Variants in PDXDC1 observed in about 807,000 individuals in gnomAD.
The protein encoded by PDXDC1 is pyridoxal-dependent decarboxylase domain-containing protein 1.
PDXDC1 carries 42 observed loss-of-function variants against 100.1 expected under a neutral mutation model. That is an observed-to-expected ratio of 0.42 (90% CI 0.33 to 0.54). PDXDC1 has a LOEUF of 0.54. PDXDC1 is among the 20% of genes least tolerant of loss of function. The pLI is 0.10. For missense variants in PDXDC1, 636 were observed against 979.2 expected, an observed-to-expected ratio of 0.65 and a Z score of 4.68; for synonymous variants, 260 against 371.7, an observed-to-expected ratio of 0.70 and a Z score of 3.46.
intron 16 of PDXDC1, chr16:15,080,033 G>A: frequency 1.2e-6 from 2 of 1,600,570 alleles, no homozygotes; most frequent in African/African-American, 2.7e-5. Flanking sequence ...ATAAGCTCCA[G>A]AATTTCATGC....
intron 16 of PDXDC1, chr16:15,055,871 C>T: frequency 1.7e-6 from 2 of 1,209,766 alleles, no homozygotes; most frequent in Middle Eastern, 2.8e-4. Context: ...CCCCGAAGCC[C>T]CGCGCCGCGC....
At chr16:14,999,310 G>T (rs1168522438) in intron 3 of PDXDC1, among the ~76,000 whole-genome samples, 1 of 152,242 alleles carries the variant, frequency 6.6e-6, no homozygotes, top group Non-Finnish European at 1.5e-5. Flanking sequence ...CAGGTGATCC[G>T]CCTGCCTTAG....
downstream of PDXDC1, chr16:15,040,519 G>A (rs989005201): frequency 6.9e-5 from 12 of 173,782 alleles, no homozygotes; most frequent in South Asian, 1.3e-3. Context: ...AAGTATCACC[G>A]CTACAGCAGA....
At chr16:15,059,849 G>A (rs763418870) in intron 16 of PDXDC1, among the ~76,000 whole-genome samples, 1 of 151,998 alleles carries the variant, frequency 6.6e-6, no homozygotes. Context: ...GAGAGTCGCG[G>A]ATACTTCATA....
chr16:15,087,582 T>A (rs971260844), intron 16 of PDXDC1, among the ~76,000 whole-genome samples: 1 of 152,132 alleles, frequency 6.6e-6, no homozygotes, highest in Non-Finnish European at 1.5e-5. Flanking sequence ...TCAACCATTT[T>A]CTGATGAAAT....
At chr16:14,980,337 C>T (rs544496124) in intron 1 of PDXDC1, among the ~76,000 whole-genome samples, 1 of 152,394 alleles carries the variant, frequency 6.6e-6, no homozygotes, top group East Asian at 1.9e-4. Context: ...GCTCTGTCAC[C>T]CAGGCTGGAG....
chr16:15,001,157 C>A (rs1254384739), intron 3 of PDXDC1, among the ~76,000 whole-genome samples: 1 of 152,126 alleles, frequency 6.6e-6, no homozygotes, highest in Non-Finnish European at 1.5e-5. Context: ...TGGTTTGAGA[C>A]CAGGCTGGGC....
intron 8 of PDXDC1, among the ~76,000 whole-genome samples, chr16:15,013,561 G>C (rs571106233): frequency 1.3e-5 from 2 of 152,352 alleles, no homozygotes; most frequent in East Asian, 3.9e-4. Context: ...ACTTACATGA[G>C]TGAGTTTTGT....
chr16:15,126,039 ATT>A, intron 16 of PDXDC1: 5 of 467,108 alleles, frequency 1.1e-5, no homozygotes, highest in Non-Finnish European at 1.9e-5. Context: ...TTTCAATTTC[ATT>A]TTTTTTTTTC....
intron 1 of PDXDC1, among the ~76,000 whole-genome samples, chr16:14,987,992 C>CTTTTTTTTTTTTTTTTTTTTCTTTT (rs58211541): frequency 7.4e-6 from 1 of 134,580 alleles, no homozygotes; most frequent in African/African-American, 2.8e-5. Context: ...TTATACAATT[C>CTTTTTTTTTTTTTTTTTTTTCTTTT]TTTTTTTTTT....
rs186147260 is a variant in PDXDC1 at position 15,100,921 on chromosome 16, G to A, written c.1400-37958G>A. Among the ~76,000 whole-genome samples, 1,026 of 152,272 alleles carry A rather than the reference G, an allele frequency of 6.7e-3. 11 individuals carry two copies. The highest frequency in any genetic ancestry group is 6.8e-3 in the Middle Eastern group (2 of 294). ...GGATCAATTGAGCCCAGGAGGTCGAGACTGCAGTGAGCTATGATCTCCCCA... is the reference window on the plus strand; with the variant it reads ...GGATCAATTGAGCCCAGGAGGTCGAAACTGCAGTGAGCTATGATCTCCCCA... On this transcript the variant is annotated intron_variant, in intron 16 of 16. Transcript: ENST00000535621.
At chr16:15,052,693 G>C (rs191537206) in intron 16 of PDXDC1, among the ~76,000 whole-genome samples, 6 of 152,234 alleles carry the variant, frequency 3.9e-5, no homozygotes, top group Admixed American at 2.6e-4. Flanking sequence ...AATTAGCCGG[G>C]CATGGTGGCA....
intron 16 of PDXDC1, among the ~76,000 whole-genome samples, chr16:15,059,673 T>G (rs2044643372): frequency 2.0e-5 from 3 of 152,126 alleles, no homozygotes; most frequent in Admixed American, 2.0e-4. Context: ...ACTGACAGCT[T>G]TTTAGTGAAA....
chr16:14,987,021 T>C (rs1969532246), intron 1 of PDXDC1, among the ~76,000 whole-genome samples: 1 of 152,290 alleles, frequency 6.6e-6, no homozygotes, highest in Non-Finnish European at 1.5e-5. Context: ...GTGCTGGTTT[T>C]ACAGGTGTGA....
intron 16 of PDXDC1, chr16:15,059,905 A>G (rs2044650264): frequency 5.8e-6 from 1 of 170,984 alleles, no homozygotes. Context: ...AATGAATTCC[A>G]TCAAGCTCCC....
At chr16:14,982,064 A>G (rs1454524333) in intron 1 of PDXDC1, among the ~76,000 whole-genome samples, 1 of 152,284 alleles carries the variant, frequency 6.6e-6, no homozygotes, top group East Asian at 1.9e-4. Context: ...TCTGTACCTC[A>G]GGTGGGCCAC....
intron 1 of PDXDC1, among the ~76,000 whole-genome samples, chr16:14,984,495 ATTTT>A (rs1159521017): frequency 1.8e-4 from 13 of 73,466 alleles, no homozygotes; most frequent in African/African-American, 5.0e-4. Context: ...ATATATATAT[ATTTT>A]TTTTTTTTTT....
chr16:15,128,906 C>T (rs1476703327), intron 16 of PDXDC1, among the ~76,000 whole-genome samples: 6 of 149,620 alleles, frequency 4.0e-5, no homozygotes, highest in South Asian at 2.2e-4. Flanking sequence ...CCCGGGTTCA[C>T]GCCATTCTCC....
chr16:14,995,069 A>G (rs545982791), intron 1 of PDXDC1, among the ~76,000 whole-genome samples: 7 of 152,414 alleles, frequency 4.6e-5, no homozygotes, highest in Admixed American at 3.3e-4. Flanking sequence ...CTAGATATAC[A>G]ATCATGTCAT....
Sources: gnomAD v4.1 joint callset for allele counts (sites outside exome capture counted in the v4.1 genomes callset) on GRCh38, gnomAD v4.1.1 for gene constraint, MANE v1.5 for transcripts, NCBI Gene and HGNC (gene_info 2026-07-23, HGNC 2026-07-21) for gene names.